LARP1B: variants seen among roughly 807,000 people sequenced by gnomAD.
LARP1B encodes la-related protein 1B.
In LARP1B, 76 loss-of-function variants were observed where a neutral mutation model predicts 114.2. The ratio of observed to expected loss-of-function variants is 0.67; its 90% CI spans 0.55 to 0.81. The LOEUF is 0.81. LARP1B is among the 30% of genes least tolerant of loss of function. The probability of loss-of-function intolerance (pLI) is 0.00; values close to 1 mark genes in which losing one functional copy is unlikely to be tolerated. For synonymous variants in LARP1B, 345 were observed against 348.0 expected (o/e 0.99, Z 0.10); for missense variants, 1,014 against 1,075.8 (o/e 0.94, Z 0.80).
rs1327810175 is a variant in LARP1B at position 128,179,484 on chromosome 4, G to T, written c.1975G>T (p.Asp659Tyr). Residue 659 changes from aspartate (D) to tyrosine (Y), a missense_variant, in exon 15 of 20, where the codon GAC becomes TAC. Transcript: ENST00000326639. ...CHVGWVMDSR[D>Y]RGPGTSSVST... is the part of the protein sequence containing the mutation. ...TGTTGGTTGGGTAATGGATTCCAGA[G>T]ACCGTGGGCCAGGAACATCCTCTGT... 5 of 1,608,028 alleles carry T rather than the reference G, an allele frequency of 3.1e-6. No homozygotes were observed. The East Asian group carries it at 9.0e-5, about 29-fold the overall frequency.
intron 8 of LARP1B, among the ~76,000 whole-genome samples, chr4:128,100,291 G>T (rs1234866019): frequency 2.0e-5 from 3 of 147,112 alleles, no homozygotes; most frequent in Non-Finnish European, 4.5e-5. Flanking sequence ...TTTGTTTTTT[G>T]AGACAGAGTC....
chr4:128,077,566 A>C (rs965049059), intron 3 of LARP1B, among the ~76,000 whole-genome samples: 78 of 147,854 alleles, frequency 5.3e-4, no homozygotes, highest in Non-Finnish European at 7.4e-5. Context: ...TTGAAAGTTC[A>C]TATGTATTTG....
intron 12 of LARP1B, among the ~76,000 whole-genome samples, chr4:128,170,739 A>G (rs2150546889): frequency 6.6e-6 from 1 of 152,146 alleles, no homozygotes; most frequent in African/African-American, 2.4e-5. Context: ...TTTATTATAG[A>G]TAGCATATAG....
intron 17 of LARP1B, among the ~76,000 whole-genome samples, chr4:128,202,768 G>A (rs1191564300): frequency 6.6e-6 from 1 of 152,156 alleles, no homozygotes; most frequent in Non-Finnish European, 1.5e-5. Flanking sequence ...TTTACCACTA[G>A]ACTGTATTAG....
chr4:128,155,890 C>T, intron 11 of LARP1B: 2 of 1,551,856 alleles, frequency 1.3e-6, no homozygotes, highest in Non-Finnish European at 1.8e-6. Flanking sequence ...GCTGGAAGCC[C>T]ACTGACCCAT....
In LARP1B at chr4:128,090,703, T is replaced by C. The variant is rs188252050; in HGVS notation, c.359-298T>C. Among the ~76,000 whole-genome samples, 341 of 152,354 alleles carry C rather than the reference T, an allele frequency of 2.2e-3. 2 individuals are homozygous for C. Among genetic ancestry groups the C allele is most frequent in the African/African-American group, 7.6e-3 (317 of 41,588 alleles). ...AGTACAAACTTAGTAGTCTTGGAACTTCTTGAATCTTTAACAGCACAATCT... is the reference window on the plus strand; with the variant it reads ...AGTACAAACTTAGTAGTCTTGGAACCTCTTGAATCTTTAACAGCACAATCT... On this transcript the variant is annotated intron_variant, in intron 5 of 19. Coordinates refer to ENST00000326639, the MANE Select transcript of LARP1B (RefSeq NM_018078.4).
chr4:128,117,913 C>CTTTTT (rs35542391), intron 10 of LARP1B, among the ~76,000 whole-genome samples: 14 of 102,596 alleles, frequency 1.4e-4, no homozygotes, highest in African/African-American at 4.6e-4. Context: ...AACAGAAAAT[C>CTTTTT]TTTTTTTTTT....
intron 14 of LARP1B, among the ~76,000 whole-genome samples, chr4:128,178,858 C>T (rs867055014): frequency 1.7e-4 from 26 of 151,950 alleles, no homozygotes; most frequent in East Asian, 1.5e-3. Context: ...TTTGGGAGAC[C>T]GAGGCAGGTG....
At chr4:128,133,675 C>A (rs1183202195) in intron 11 of LARP1B, among the ~76,000 whole-genome samples, 2 of 152,142 alleles carry the variant, frequency 1.3e-5, no homozygotes, top group East Asian at 1.9e-4. Context: ...CAGAAATAAA[C>A]CCTTAAGTAT....
intron 11 of LARP1B, among the ~76,000 whole-genome samples, chr4:128,133,999 ATT>A (rs71587365): frequency 6.8e-4 from 95 of 139,048 alleles, no homozygotes; most frequent in African/African-American, 2.1e-3. Flanking sequence ...GCCCAGCCCA[ATT>A]TTTTTTTTTT....
chr4:128,129,042 G>A (rs1001980396), intron 11 of LARP1B, among the ~76,000 whole-genome samples: 1 of 151,632 alleles, frequency 6.6e-6, no homozygotes, highest in Non-Finnish European at 1.5e-5. Flanking sequence ...GTGGGCGCCT[G>A]TAGTCCCAGC....
chr4:128,174,037 G>T (rs1483264649), intron 12 of LARP1B, among the ~76,000 whole-genome samples: 2 of 152,090 alleles, frequency 1.3e-5, no homozygotes, highest in Non-Finnish European at 2.9e-5. Context: ...TACTTGGAAT[G>T]TTTCACTTAA....
At chr4:128,122,289 G>T in intron 11 of LARP1B, 101 bp downstream of exon 11, 1 of 1,527,060 alleles carries the variant, frequency 6.5e-7, no homozygotes, top group Non-Finnish European at 8.8e-7. Flanking sequence ...ATGAAATGTT[G>T]AATATAAATA....
At chr4:128,106,400 C>T (rs1171990883) in intron 8 of LARP1B, among the ~76,000 whole-genome samples, 1 of 151,952 alleles carries the variant, frequency 6.6e-6, no homozygotes, top group African/African-American at 2.4e-5. Flanking sequence ...GTACATATAA[C>T]TTTATATTGT....
intron 11 of LARP1B, among the ~76,000 whole-genome samples, chr4:128,136,547 G>A (rs1266861102): frequency 1.3e-5 from 2 of 152,110 alleles, no homozygotes; most frequent in Admixed American, 6.6e-5. Flanking sequence ...ATCCACTGTT[G>A]TAATTTACTC....
intron 5 of LARP1B, among the ~76,000 whole-genome samples, chr4:128,087,889 A>G (rs1774285026): frequency 6.6e-6 from 1 of 152,042 alleles, no homozygotes; most frequent in Non-Finnish European, 1.5e-5. Context: ...AAACTTGTCT[A>G]TAGAAAAATT....
At chr4:128,136,186 G>C (rs1327613552) in intron 11 of LARP1B, among the ~76,000 whole-genome samples, 3 of 151,874 alleles carry the variant, frequency 2.0e-5, no homozygotes, top group African/African-American at 7.3e-5. Flanking sequence ...CCAGCTACTT[G>C]GGAGGCTGAG....
At chr4:128,098,767 A>ATATATATATTTTTTT (rs1328165907) in intron 8 of LARP1B, among the ~76,000 whole-genome samples, 5 of 35,034 alleles carry the variant, frequency 1.4e-4, no homozygotes, top group African/African-American at 2.5e-4. Context: ...ATATATATAT[A>ATATATATATTTTTTT]TTTTTTTTTT....
chr4:128,197,598 G>A (rs1439175820), intron 15 of LARP1B, among the ~76,000 whole-genome samples: 1 of 152,070 alleles, frequency 6.6e-6, no homozygotes, highest in Non-Finnish European at 1.5e-5. Context: ...GGAGGCTGAG[G>A]CAGGAGAATC....
Sources: allele counts gnomAD v4.1 joint callset (sites outside exome capture counted in the v4.1 genomes callset), GRCh38; gene constraint gnomAD v4.1.1; transcripts MANE v1.5; gene names NCBI Gene and HGNC (gene_info 2026-07-23, HGNC 2026-07-21).